ZNF763: variants seen among roughly 807,000 people sequenced by gnomAD.
The protein encoded by ZNF763 is zinc finger protein 763.
Under a neutral mutation model 38.0 loss-of-function variants are expected in ZNF763, and 33 were observed. That is an observed-to-expected ratio of 0.87 (90% confidence interval 0.66 to 1.16). The LOEUF is 1.16. Ranked by LOEUF, ZNF763 falls within the 50% of genes most tolerant of loss-of-function variation. The pLI is 0.00. For synonymous variants in ZNF763, 155 were observed against 160.1 expected (o/e 0.97, Z 0.24); for missense variants, 423 against 469.1 (o/e 0.90, Z 0.91).
intron 1 of ZNF763, among the ~76,000 whole-genome samples, chr19:11,974,102 TTTCTTTCTTTCTTTCTTTCTTTCTTTTC>T (rs1568308318): frequency 1.0e-5 from 1 of 97,224 alleles, no homozygotes; most frequent in Non-Finnish European, 2.1e-5. Flanking sequence ...TCTTTCTTTC[TTTCTTTCTTTCTTTCTTTCTTTCTTTTC>T]TTTCTTTCTT....
At chr19:11,970,528 G>T (rs1973329363) in intron 1 of ZNF763, among the ~76,000 whole-genome samples, 1 of 152,202 alleles carries the variant, frequency 6.6e-6, no homozygotes, top group Non-Finnish European at 1.5e-5. Flanking sequence ...ATATGGAGAT[G>T]ATGAGTAGTA....
At chr19:11,973,660 T>C (rs1460726218) in intron 1 of ZNF763, among the ~76,000 whole-genome samples, 1 of 152,198 alleles carries the variant, frequency 6.6e-6, no homozygotes, top group Non-Finnish European at 1.5e-5. Flanking sequence ...AGTGAGAAGA[T>C]TGCTTGAGGC....
chr19:11,967,229 G>A lies in ZNF763; in HGVS notation c.3+2018G>A, dbSNP rs952798179. On this transcript the variant is annotated intron_variant, in intron 1 of 3. Transcript: ENST00000358987. ...CCTGTGCCTGTAGTCGCAGGTACTTGGGAGGCTTAAGTGGGAGAATCACTT... is the reference window on the plus strand; with the variant it reads ...CCTGTGCCTGTAGTCGCAGGTACTTAGGAGGCTTAAGTGGGAGAATCACTT... 3.9e-5 allele frequency among the ~76,000 whole-genome samples: 6 copies of A among 152,088 alleles called. No homozygotes were observed. In the East Asian group the frequency reaches 1.2e-3, roughly 30 times the overall value.
chr19:11,968,577 C>A lies in ZNF763; in HGVS notation c.3+3366C>A, dbSNP rs187163118. Among the ~76,000 whole-genome samples the A allele has an allele frequency of 2.6e-5, 4 of 152,240 alleles. No homozygotes were observed. The East Asian group carries it at 7.7e-4, about 29-fold the overall frequency. ...TTTGTAGTGGTTTGCTTTTTTCCCC[C>A]AGAGCTTGTTTTCTTTTCTTTCTAG... is the stretch of plus-strand genomic sequence containing the variant. On this transcript the variant is annotated intron_variant, in intron 1 of 3. Coordinates refer to ENST00000358987, the MANE Select transcript of ZNF763 (RefSeq NM_001367172.2).
At chr19:11,965,414 C>A (rs1021506476) in intron 1 of ZNF763, among the ~76,000 whole-genome samples, 7 of 152,204 alleles carry the variant, frequency 4.6e-5, no homozygotes. Context: ...CCTGTCCTGT[C>A]CCTGCGCGGT....
intron 1 of ZNF763, among the ~76,000 whole-genome samples, chr19:11,973,858 A>G (rs1973400918): frequency 6.6e-6 from 1 of 152,114 alleles, no homozygotes; most frequent in Non-Finnish European, 1.5e-5. Context: ...TGTAGGATTG[A>G]GACTACTGAA....
At chr19:11,974,097 C>A (rs1041107869) in intron 1 of ZNF763, among the ~76,000 whole-genome samples, 4 of 92,526 alleles carry the variant, frequency 4.3e-5, no homozygotes, top group African/African-American at 2.0e-4. Context: ...TTCTTTCTTT[C>A]TTTCTTTCTT....
chr19:11,968,438 C>G (rs1201467800), intron 1 of ZNF763, among the ~76,000 whole-genome samples: 1 of 151,888 alleles, frequency 6.6e-6, no homozygotes, highest in East Asian at 1.9e-4. Flanking sequence ...GGTGGGGTCT[C>G]GATATGTTGC....
intron 1 of ZNF763, among the ~76,000 whole-genome samples, chr19:11,976,027 A>T (rs1396380814): frequency 6.8e-6 from 1 of 147,238 alleles, no homozygotes; most frequent in Admixed American, 6.9e-5. Context: ...GTTTCTTTCT[A>T]CTTAGGTGTC....
intron 1 of ZNF763, among the ~76,000 whole-genome samples, chr19:11,970,458 T>G (rs745354389): frequency 7.9e-5 from 12 of 152,196 alleles, no homozygotes; most frequent in Non-Finnish European, 1.5e-4. Flanking sequence ...CATGCTAAGG[T>G]AACATATAAA....
intron 1 of ZNF763, among the ~76,000 whole-genome samples, chr19:11,975,770 A>G (rs1045878520): frequency 1.6e-4 from 24 of 152,118 alleles, no homozygotes; most frequent in African/African-American, 5.8e-4. Flanking sequence ...TCATCAGTGG[A>G]TATGTGGGTG....
intron 1 of ZNF763, among the ~76,000 whole-genome samples, chr19:11,975,538 C>G (rs941095934): frequency 3.9e-5 from 6 of 152,114 alleles, no homozygotes. Flanking sequence ...GCTGAGACTA[C>G]AGGCGCCCGC....
rs181168568 is a variant in ZNF763 at position 11,970,880 on chromosome 19, G to A, written c.3+5669G>A. 7.1e-3 allele frequency among the ~76,000 whole-genome samples: 1,087 copies of A among 152,208 alleles called. 18 individuals are homozygous for A. The highest frequency in any genetic ancestry group is 0.025 in the African/African-American group (1,035 of 41,520). ...TGGGAGGTGGAGGTTGCAGTGAGCC[G>A]AGATCCCGCCTTTGCCCTCCAGCCT... is the stretch of plus-strand genomic sequence containing the variant. On this transcript the variant is annotated intron_variant, in intron 1 of 3. Coordinates refer to ENST00000358987, the MANE Select transcript of ZNF763 (RefSeq NM_001367172.2).
chr19:11,968,988 A>G (rs980600839), intron 1 of ZNF763, among the ~76,000 whole-genome samples: 2 of 152,240 alleles, frequency 1.3e-5, no homozygotes, highest in Admixed American at 6.5e-5. Context: ...CAGGGAAAGG[A>G]GGGTTCCAGC....
intron 1 of ZNF763, among the ~76,000 whole-genome samples, chr19:11,971,785 C>T (rs761477592): frequency 3.9e-5 from 6 of 152,080 alleles, no homozygotes; most frequent in South Asian, 4.1e-4. Context: ...AATTTGTGGC[C>T]GGGCGCGGTG....
intron 1 of ZNF763, among the ~76,000 whole-genome samples, chr19:11,968,405 G>T (rs760091031): frequency 8.6e-5 from 13 of 152,032 alleles, no homozygotes; most frequent in Non-Finnish European, 1.8e-4. Context: ...AGCACACCTG[G>T]CTAATTTTTT....
At chr19:11,976,880 A>G in intron 1 of ZNF763, 158 bp from the exon 2 acceptor site, 1 of 1,494,132 alleles carries the variant, frequency 6.7e-7, no homozygotes, top group Non-Finnish European at 8.9e-7. Flanking sequence ...AACAACAAAA[A>G]TGCTTTATGG....
chr19:11,969,150 G>T (rs1263859090), intron 1 of ZNF763, among the ~76,000 whole-genome samples: 2 of 152,312 alleles, frequency 1.3e-5, no homozygotes, highest in East Asian at 3.9e-4. Context: ...TGTCGGCTAG[G>T]CTGGAGTGCA....
Position 11,979,693 on chromosome 19 carries a change from C to G in ZNF763, c.*584C>G. The G allele has an allele frequency of 6.2e-7, 1 of 1,601,502 alleles. No individual in the cohort carries two copies. The highest frequency in any genetic ancestry group is 8.5e-7 in the Non-Finnish European group (1 of 1,171,348). The stretch of plus-strand genomic sequence containing the variant: ...TCCTTCAAATGCATGCTGGGACTCA[C>G]CCTGAAGAGAAGCCCTACGAGTGTA... On this transcript the variant is annotated 3_prime_UTR_variant, in exon 4 of 4. Coordinates refer to ENST00000358987, the MANE Select transcript of ZNF763 (RefSeq NM_001367172.2).
Sources: gnomAD v4.1 joint callset for allele counts (sites outside exome capture counted in the v4.1 genomes callset) on GRCh38, gnomAD v4.1.1 for gene constraint, MANE v1.5 for transcripts, NCBI Gene and HGNC (gene_info 2026-07-23, HGNC 2026-07-21) for gene names.